Variants in DPYSL2 observed in about 807,000 individuals in gnomAD.
The protein encoded by DPYSL2 is dihydropyrimidinase-related protein 2.
Under a neutral mutation model 69.9 loss-of-function variants are expected in DPYSL2, and 13 were observed. That is an observed-to-expected ratio of 0.19 (90% CI 0.12 to 0.30). DPYSL2 has a LOEUF of 0.30. Among genes scored for constraint, DPYSL2 ranks in the 10% least tolerant of loss-of-function variants. DPYSL2 has a pLI of 1.00. For missense variants in DPYSL2, 587 were observed against 918.9 expected (o/e 0.64, Z 4.67); for synonymous variants, 326 against 359.1 (o/e 0.91, Z 1.04).
intron 7 of DPYSL2, among the ~76,000 whole-genome samples, chr8:26,631,972 G>A (rs1802787181): frequency 6.6e-6 from 1 of 152,198 alleles, no homozygotes; most frequent in Admixed American, 6.5e-5. Flanking sequence ...TACTTGGGGA[G>A]GTGCTGCTGA....
rs144068090 is a variant in DPYSL2 at position 26,605,186 on chromosome 8, A to G, written c.629-18957A>G. ...AAGTACCTCAATATATTGCTCCCTG[A>G]TGAGGGAGGGGCCAGAATACATGTT... On this transcript the variant is annotated intron_variant, in intron 3 of 13. Coordinates refer to ENST00000521913, the MANE Select transcript of DPYSL2 (RefSeq NM_001197293.3). The surrounding 1 kb of genome is among the most constrained non-coding windows in gnomAD (Gnocchi z 4.1). Among the ~76,000 whole-genome samples the G allele has an allele frequency of 4.8e-3, 736 of 152,248 alleles. 2 individuals carry two copies. Among genetic ancestry groups the G allele is most frequent in the Admixed American group, 7.7e-3 (117 of 15,286 alleles).
chr8:26,600,581 A>G (rs1801969496), intron 3 of DPYSL2, among the ~76,000 whole-genome samples: 1 of 152,036 alleles, frequency 6.6e-6, no homozygotes, highest in African/African-American at 2.4e-5. Context: ...AGTCACATTT[A>G]TCTTGACCTG....
intron 3 of DPYSL2, among the ~76,000 whole-genome samples, chr8:26,613,086 G>C (rs982623631): frequency 6.6e-6 from 1 of 152,222 alleles, no homozygotes; most frequent in African/African-American, 2.4e-5. Context: ...TGATTCAACT[G>C]TTCCATTCCT....
rs914260813 is a variant in DPYSL2 at position 26,598,108 on chromosome 8, T to G, written c.628+14125T>G. Among the ~76,000 whole-genome samples, 1 of 152,166 alleles carries G rather than the reference T, an allele frequency of 6.6e-6. No individual in the cohort carries two copies. Among genetic ancestry groups the G allele is most frequent in the Non-Finnish European group, 1.5e-5 (1 of 68,036 alleles). ...TTTGAGGATCCAGGGAGGTGGTGGC[T>G]ATGGCAGGGCTTGGACAAATTACAT... On this transcript the variant is annotated intron_variant, in intron 3 of 13. Coordinates refer to ENST00000521913, the MANE Select transcript of DPYSL2 (RefSeq NM_001197293.3). This position sits in a 1 kb window ranked among gnomAD's most constrained non-coding sequence, Gnocchi z 4.2.
Position 26,587,945 on chromosome 8 carries a change from C to G in DPYSL2, c.628+3962C>G, listed in dbSNP as rs967861139. On this transcript the variant is annotated intron_variant, in intron 3 of 13. Coordinates refer to ENST00000521913, the MANE Select transcript of DPYSL2 (RefSeq NM_001197293.3). The surrounding 1 kb of genome is among the most constrained non-coding windows in gnomAD (Gnocchi z 4.2). ...ACTTGCCAACACTTACCCTGTGCGTCGGTGCAGGTGGCCAGGTGTGGAACA... is the reference window on the plus strand; with the variant it reads ...ACTTGCCAACACTTACCCTGTGCGTGGGTGCAGGTGGCCAGGTGTGGAACA... 6.6e-6 allele frequency among the ~76,000 whole-genome samples: 1 copy of G among 152,304 alleles called. No individual in the cohort carries two copies. The highest frequency in any genetic ancestry group is 1.9e-4 in the East Asian group (1 of 5,178).
chr8:26,547,929 G>T, intron 1 of DPYSL2: 1 of 260,818 alleles, frequency 3.8e-6, no homozygotes, highest in Non-Finnish European at 7.9e-6. Context: ...TCTATCCAAG[G>T]ATGATGAGTT....
At chr8:26,590,223 G>C (rs140053560) in intron 3 of DPYSL2, among the ~76,000 whole-genome samples, 1 of 152,224 alleles carries the variant, frequency 6.6e-6, no homozygotes, top group Non-Finnish European at 1.5e-5. Flanking sequence ...GACCAAAGTT[G>C]TTGCCACAAA....
Position 26,591,961 on chromosome 8 carries a change from G to C in DPYSL2, c.628+7978G>C, listed in dbSNP as rs1028714062. On this transcript the variant is annotated intron_variant, in intron 3 of 13. Coordinates refer to ENST00000521913, the MANE Select transcript of DPYSL2 (RefSeq NM_001197293.3). This position sits in a 1 kb window ranked among gnomAD's most constrained non-coding sequence, Gnocchi z 5.8. ...TAAGCAGGCATATACCCACGGAGTC[G>C]CTTAAGAAAACACCTAACCACACTG... Among the ~76,000 whole-genome samples the C allele has an allele frequency of 6.6e-6, 1 of 152,140 alleles. No homozygotes were observed. Among genetic ancestry groups the C allele is most frequent in the Admixed American group, 6.5e-5 (1 of 15,280 alleles).
In DPYSL2 at chr8:26,598,006, G is replaced by A. The variant is rs570885335; in HGVS notation, c.628+14023G>A. Among the ~76,000 whole-genome samples, 4 of 152,104 alleles carry A rather than the reference G, an allele frequency of 2.6e-5. No homozygotes were observed. Among genetic ancestry groups the A allele is most frequent in the East Asian group, 1.9e-4 (1 of 5,174 alleles). Reference sequence around the variant, plus strand: ...CTCTGCTGCTTATTAGCTCAGGCTCGGTGCCCCACGGCTTGGTCCTGGTTT... The same window carrying A: ...CTCTGCTGCTTATTAGCTCAGGCTCAGTGCCCCACGGCTTGGTCCTGGTTT... On this transcript the variant is annotated intron_variant, in intron 3 of 13. Transcript: ENST00000521913. The surrounding 1 kb of genome is among the most constrained non-coding windows in gnomAD (Gnocchi z 4.2).
In DPYSL2 at chr8:26,647,077, G is replaced by T. The variant is rs1461066952; in HGVS notation, c.1426-553G>T. 6.6e-6 allele frequency among the ~76,000 whole-genome samples: 1 copy of T among 152,038 alleles called. No individual in the cohort carries two copies. The highest frequency in any genetic ancestry group is 1.9e-4 in the East Asian group (1 of 5,194). ...GGCCAAATGATATTTCCTAAAGAGGGATTGCCACCCCTGCAAATTAAACGA... is the reference window on the plus strand; with the variant it reads ...GGCCAAATGATATTTCCTAAAGAGGTATTGCCACCCCTGCAAATTAAACGA... On this transcript the variant is annotated intron_variant, in intron 10 of 13. Transcript: ENST00000521913. This position sits in a 1 kb window ranked among gnomAD's most constrained non-coding sequence, Gnocchi z 5.1.
At chr8:26,523,420 AT>A (rs1808422682) in intron 1 of DPYSL2, among the ~76,000 whole-genome samples, 1 of 152,078 alleles carries the variant, frequency 6.6e-6, no homozygotes, top group African/African-American at 2.4e-5. Flanking sequence ...CATCAGAATT[AT>A]TTTCATTTTG....
chr8:26,596,593 A>T (rs750497493), intron 3 of DPYSL2, among the ~76,000 whole-genome samples: 16 of 152,224 alleles, frequency 1.1e-4, no homozygotes, highest in Non-Finnish European at 1.9e-4. Flanking sequence ...CAGATAATTG[A>T]TATCATTTAT....
rs1802561345 is a variant in DPYSL2, at chr8:26,624,082, C to A, written c.629-61C>A. ...TATTCAGGGTTCAAGTGGGAAAATA[C>A]CTGCTGGCCCACGGCCCTTGAGGCT... On this transcript the variant is annotated intron_variant, in intron 3 of 13. Transcript: ENST00000521913. The surrounding 1 kb of genome is among the most constrained non-coding windows in gnomAD (Gnocchi z 4.7). 6.3e-7 allele frequency: 1 copy of A among 1,583,992 alleles called. No individual in the cohort carries two copies.
rs1801133768 is a variant in DPYSL2, at chr8:26,565,445, C to T, written c.355-16524C>T. Reference sequence around the variant, plus strand: ...GTCCAGGAAATGGACCATGGGGGCCCAGCTGTGAATGAAGAGGTTGACTCA... The same window carrying T: ...GTCCAGGAAATGGACCATGGGGGCCTAGCTGTGAATGAAGAGGTTGACTCA... On this transcript the variant is annotated intron_variant, in intron 1 of 13. Transcript: ENST00000521913. This position sits in a 1 kb window ranked among gnomAD's most constrained non-coding sequence, Gnocchi z 4.1. Among the ~76,000 whole-genome samples the T allele has an allele frequency of 6.6e-6, 1 of 152,038 alleles. No individual in the cohort carries two copies. Among genetic ancestry groups the T allele is most frequent in the South Asian group, 2.1e-4 (1 of 4,812 alleles).
At position 26,565,883 on chromosome 8, in the gene DPYSL2, A is replaced by G. The variant is rs1801140907; in HGVS notation, c.355-16086A>G. Among the ~76,000 whole-genome samples, 1 of 152,194 alleles carries G rather than the reference A, an allele frequency of 6.6e-6. No homozygotes were observed. Among genetic ancestry groups the G allele is most frequent in the Non-Finnish European group, 1.5e-5 (1 of 68,030 alleles). On this transcript the variant is annotated intron_variant, in intron 1 of 13. Transcript: ENST00000521913. This position sits in a 1 kb window ranked among gnomAD's most constrained non-coding sequence, Gnocchi z 4.1. Reference sequence around the variant, plus strand: ...AATCATCATCCCGTCAGCTTGGAGAAAAAGCCTGGAGGAGGAAGAGGGAAT... The same window carrying G: ...AATCATCATCCCGTCAGCTTGGAGAGAAAGCCTGGAGGAGGAAGAGGGAAT...
chr8:26,543,019 A>G (rs995837810), intron 1 of DPYSL2, among the ~76,000 whole-genome samples: 5 of 152,222 alleles, frequency 3.3e-5, no homozygotes, highest in African/African-American at 1.2e-4. Flanking sequence ...AAAAAGTATA[A>G]TCCCACCTCT....
At chr8:26,544,012 T>C (rs1800725037) in intron 1 of DPYSL2, among the ~76,000 whole-genome samples, 1 of 151,998 alleles carries the variant, frequency 6.6e-6, no homozygotes, top group Non-Finnish European at 1.5e-5. Flanking sequence ...GTCAACCCAA[T>C]GGACAGATAT....
In DPYSL2 at chr8:26,526,986, G is replaced by A. The variant is rs62492700; in HGVS notation, c.354+12307G>A. ...GCAGAGCAGGGCAGATGAGACTGAG[G>A]CTAATGCTGTAGTTGACAAAGAAGC... is the stretch of plus-strand genomic sequence containing the variant. On this transcript the variant is annotated intron_variant, in intron 1 of 13. Transcript: ENST00000521913. 7.9e-3 allele frequency among the ~76,000 whole-genome samples: 1,200 copies of A among 152,354 alleles called. 7 individuals carry two copies. Among genetic ancestry groups the A allele is most frequent in the Middle Eastern group, 0.075 (22 of 294 alleles).
intron 3 of DPYSL2, among the ~76,000 whole-genome samples, chr8:26,606,142 G>A (rs1802102696): frequency 6.6e-6 from 1 of 152,168 alleles, no homozygotes; most frequent in Non-Finnish European, 1.5e-5. Flanking sequence ...ATCTGCAAAT[G>A]TGACTAACTG....
Sources: allele counts gnomAD v4.1 joint callset (sites outside exome capture counted in the v4.1 genomes callset), GRCh38; gene constraint gnomAD v4.1.1; non-coding constraint Gnocchi (gnomAD v3.1); transcripts MANE v1.5; gene names NCBI Gene and HGNC (gene_info 2026-07-23, HGNC 2026-07-21).